The following SMAD3 variants were observed in gnomAD, a reference collection of about 807,000 sequenced individuals.
SMAD3 encodes the protein SMAD family member 3, also known as MAD homolog 3.
A neutral mutation model predicts 51.8 loss-of-function variants in SMAD3; 12 were observed. The ratio of observed to expected loss-of-function variants is 0.23; its 90% confidence interval spans 0.15 to 0.38. The LOEUF (loss-of-function observed/expected upper bound fraction) is 0.38. Ranked by LOEUF, SMAD3 falls within the 10% of genes least tolerant of loss-of-function variation. The pLI is 1.00. For synonymous variants in SMAD3, 238 were observed against 227.7 expected (o/e 1.05, Z -0.41); for missense variants, 294 against 565.6 (o/e 0.52, Z 4.87).
chr15:67,157,858 T>G (rs1962325694), intron 1 of SMAD3, among the ~76,000 whole-genome samples: 1 of 152,200 alleles, frequency 6.6e-6, no homozygotes, highest in Admixed American at 6.5e-5. Flanking sequence ...GAAACCTAAT[T>G]TCCTGCCACA....
At chr15:67,151,946 A>G (rs1962158135) in intron 1 of SMAD3, among the ~76,000 whole-genome samples, 1 of 152,206 alleles carries the variant, frequency 6.6e-6, no homozygotes, top group Admixed American at 6.5e-5. Context: ...TATACATAGT[A>G]ACAATCATAT....
At position 67,079,466 on chromosome 15, in the gene SMAD3, C is replaced by T. The variant is rs189221824; in HGVS notation, c.206+13106C>T. On this transcript the variant is annotated intron_variant, in intron 1 of 8. Coordinates refer to ENST00000327367, the MANE Select transcript of SMAD3 (RefSeq NM_005902.4). Reference sequence around the variant, plus strand: ...GGCACATAGGCTCTGGTGCCTTGTACTAGAAGCTTAGGTGAGCTGTTACTC... The same window carrying T: ...GGCACATAGGCTCTGGTGCCTTGTATTAGAAGCTTAGGTGAGCTGTTACTC... Among the ~76,000 whole-genome samples, 18 of 152,218 alleles carry T rather than the reference C, an allele frequency of 1.2e-4. No homozygotes were observed. In the East Asian group the frequency reaches 3.1e-3, roughly 26 times the overall value.
At chr15:67,189,620 T>C (rs1415786897) in intron 8 of SMAD3, among the ~76,000 whole-genome samples, 1 of 152,156 alleles carries the variant, frequency 6.6e-6, no homozygotes. Context: ...AGGTTTCAGC[T>C]CTTCTCTCTG....
rs764713070 is a variant in SMAD3, at chr15:67,165,463, C to T, written c.532+79C>T. 10 of 1,550,724 alleles carry T rather than the reference C, an allele frequency of 6.4e-6. No homozygotes were observed. The South Asian group carries it at 1.2e-4, about 18-fold the overall frequency. ...CCGACATCAGTCCTGTGGCCCCAAT[C>T]TCTGCCCCCTGGCCGTCCCCCGCTC... On this transcript the variant is annotated intron_variant, in intron 3 of 8. Coordinates refer to ENST00000327367, the MANE Select transcript of SMAD3 (RefSeq NM_005902.4).
At chr15:67,126,274 C>T (rs1455254317) in intron 1 of SMAD3, among the ~76,000 whole-genome samples, 3 of 152,062 alleles carry the variant, frequency 2.0e-5, no homozygotes, top group Non-Finnish European at 2.9e-5. Context: ...GAGATTGAGG[C>T]ATGAGTTGTG....
At chr15:67,150,791 T>C (rs1264277013) in intron 1 of SMAD3, among the ~76,000 whole-genome samples, 1 of 132,496 alleles carries the variant, frequency 7.5e-6, no homozygotes, top group African/African-American at 2.8e-5. Context: ...GACTTTTCCA[T>C]GTCCTGCTTT....
chr15:67,069,073 A>C (rs758300004), intron 1 of SMAD3, among the ~76,000 whole-genome samples: 1 of 152,190 alleles, frequency 6.6e-6, no homozygotes, highest in Non-Finnish European at 1.5e-5. Context: ...TGTTTTGGCT[A>C]ATATATAATC....
intron 1 of SMAD3, among the ~76,000 whole-genome samples, chr15:67,107,972 C>CA (rs1555407908): frequency 1.4e-5 from 2 of 138,970 alleles, no homozygotes; most frequent in South Asian, 2.8e-4. Context: ...CTCTCCCCCC[C>CA]ACCCCCCCAC....
At chr15:67,082,670 C>T (rs1355830798) in intron 1 of SMAD3, among the ~76,000 whole-genome samples, 1 of 152,214 alleles carries the variant, frequency 6.6e-6, no homozygotes, top group Non-Finnish European at 1.5e-5. Flanking sequence ...CGTCGTCGGA[C>T]GGAACTTTCT....
At chr15:67,136,773 A>G (rs1961674492) in intron 1 of SMAD3, among the ~76,000 whole-genome samples, 1 of 152,192 alleles carries the variant, frequency 6.6e-6, no homozygotes, top group East Asian at 1.9e-4. Flanking sequence ...TGACTGCCCT[A>G]TTACCCCAAC....
intron 1 of SMAD3, among the ~76,000 whole-genome samples, chr15:67,081,010 A>G (rs1250092428): frequency 6.6e-6 from 1 of 152,248 alleles, no homozygotes; most frequent in Non-Finnish European, 1.5e-5. Context: ...CAAGGAGAGC[A>G]GTTGGAATGA....
intron 1 of SMAD3, among the ~76,000 whole-genome samples, chr15:67,136,418 C>T (rs924967687): frequency 1.3e-5 from 2 of 151,938 alleles, no homozygotes; most frequent in Non-Finnish European, 2.9e-5. Flanking sequence ...CTGCAACCTC[C>T]GCCTTCCGGA....
chr15:67,194,524 T>C lies in SMAD3; in HGVS notation c.*3988T>C. On this transcript the variant is annotated 3_prime_UTR_variant, in exon 9 of 9. Transcript: ENST00000327367. Reference sequence around the variant, plus strand: ...TTTTTTTTAATGCAGAAGTAATGTATACTCTAGTATTCTGGTGTTTTTATA... The same window carrying C: ...TTTTTTTTAATGCAGAAGTAATGTACACTCTAGTATTCTGGTGTTTTTATA... 1 of 232,402 alleles carries C rather than the reference T, an allele frequency of 4.3e-6. No homozygotes were observed. Among genetic ancestry groups the C allele is most frequent in the African/African-American group, 2.2e-5 (1 of 44,928 alleles). The allele number at this position is 232,402 out of a possible 1,614,324, so 14.4% of individuals were successfully genotyped here. A position where few individuals can be genotyped will look rare whatever the true frequency, so the allele number is the denominator to read the frequency against.
intron 1 of SMAD3, among the ~76,000 whole-genome samples, chr15:67,076,009 T>G (rs1164074904): frequency 6.6e-6 from 1 of 152,106 alleles, no homozygotes; most frequent in African/African-American, 2.4e-5. Context: ...TAAACGCTCA[T>G]TTTTCCTTTC....
At chr15:67,142,669 G>T in intron 1 of SMAD3, 1 of 300,946 alleles carries the variant, frequency 3.3e-6, no homozygotes, top group Non-Finnish European at 6.7e-6. Flanking sequence ...CTAGACTAGA[G>T]GCGTCCAGAG....
At chr15:67,072,603 A>G (rs1047079068) in intron 1 of SMAD3, among the ~76,000 whole-genome samples, 2 of 152,238 alleles carry the variant, frequency 1.3e-5, no homozygotes, top group African/African-American at 2.4e-5. Flanking sequence ...GGCTGGCAAG[A>G]GAACTGCCCA....
chr15:67,115,602 A>G (rs1456770903), intron 1 of SMAD3, among the ~76,000 whole-genome samples: 1 of 152,230 alleles, frequency 6.6e-6, no homozygotes, highest in Non-Finnish European at 1.5e-5. Flanking sequence ...GGTGAGAGAC[A>G]TGCCCTCTGG....
At chr15:67,189,909 G>A (rs980577943) in intron 8 of SMAD3, among the ~76,000 whole-genome samples, 4 of 152,010 alleles carry the variant, frequency 2.6e-5, no homozygotes, top group South Asian at 2.1e-4. Context: ...ATTGGGAACC[G>A]AAGGCATGCG....
chr15:67,083,880 GATCTTAGC>G (rs1371751071), intron 1 of SMAD3, among the ~76,000 whole-genome samples: 1 of 152,136 alleles, frequency 6.6e-6, no homozygotes, highest in African/African-American at 2.4e-5. Context: ...AAGAAACTGT[GATCTTAGC>G]ATCCTGTTTT....
Sources: allele counts gnomAD v4.1 joint callset (sites outside exome capture counted in the v4.1 genomes callset), GRCh38; gene constraint gnomAD v4.1.1; transcripts MANE v1.5; gene names NCBI Gene and HGNC (gene_info 2026-07-23, HGNC 2026-07-21).